The following CLN6 variants were observed in gnomAD, a reference collection of about 807,000 sequenced individuals.
CLN6 encodes the protein ceroid-lipofuscinosis neuronal protein 6.
In CLN6, 22 loss-of-function variants were observed where a neutral mutation model predicts 33.3. That is an observed-to-expected ratio of 0.66 (90% CI 0.47 to 0.94). The LOEUF (loss-of-function observed/expected upper bound fraction) is 0.94, where lower values mean the gene tolerates loss of function less well. CLN6 is among the 40% of genes least tolerant of loss of function. CLN6 has a pLI of 0.00. For synonymous variants in CLN6, 201 were observed against 174.6 expected, an observed-to-expected ratio of 1.15 and a Z score of -1.19; for missense variants, 387 against 417.1, an observed-to-expected ratio of 0.93 and a Z score of 0.63.
At chr15:68,230,033 G>A (rs1483900228), upstream of CLN6, among the ~76,000 whole-genome samples, 3 of 152,234 alleles carry the variant, frequency 2.0e-5, no homozygotes, top group Non-Finnish European at 4.4e-5. This position sits in a 1 kb window ranked among gnomAD's most constrained non-coding sequence, Gnocchi z 4.0. Context: ...GCTCCCCGGG[G>A]CAGAGGGTTC....
Position 68,256,041 on chromosome 15 carries a change from G to C in CLN6, c.179+649C>G, listed in dbSNP as rs1450646776. 1.3e-5 allele frequency among the ~76,000 whole-genome samples: 2 copies of C among 151,754 alleles called. No homozygotes were observed. The highest frequency in any genetic ancestry group is 3.9e-4 in the East Asian group (2 of 5,162). On this transcript the variant is annotated intron_variant, in intron 1 of 6. Transcript: ENST00000538696. This position sits in a 1 kb window ranked among gnomAD's most constrained non-coding sequence, Gnocchi z 4.1. ...TCGCCCGAAGTGATCCTCCTTCTTCGACCTCCCAAAGTGCTAGAATTACAG... is the reference window on the plus strand; with the variant it reads ...TCGCCCGAAGTGATCCTCCTTCTTCCACCTCCCAAAGTGCTAGAATTACAG...
At chr15:68,239,225 G>T (rs1007075223) in intron 1 of CLN6, among the ~76,000 whole-genome samples, 1 of 151,662 alleles carries the variant, frequency 6.6e-6, no homozygotes, top group African/African-American at 2.4e-5. Flanking sequence ...GCCAAAAAAG[G>T]GTATGGTAAA....
intron 2 of CLN6, chr15:68,215,572 A>C (rs867310285): frequency 6.6e-6 from 1 of 152,074 alleles, no homozygotes; most frequent in Non-Finnish European, 1.5e-5. Context: ...CCTGGGCTCA[A>C]GCGATCCTCC....
At chr15:68,224,945 C>T (rs2093247850) in intron 1 of CLN6, among the ~76,000 whole-genome samples, 1 of 151,930 alleles carries the variant, frequency 6.6e-6, no homozygotes, top group Non-Finnish European at 1.5e-5. Context: ...ACAATGACAC[C>T]ACGACAGTTG....
chr15:68,207,900 T>C lies in CLN6; in HGVS notation c.*240A>G. 5.2e-6 allele frequency: 3 copies of C among 581,050 alleles called. No individual in the cohort carries two copies. The highest frequency in any genetic ancestry group is 9.2e-6 in the Non-Finnish European group (3 of 326,432). 36.0% of individuals were successfully genotyped at this position (581,050 alleles called of 1,614,324 possible). A position where few individuals can be genotyped will look rare whatever the true frequency, so the allele number is the denominator to read the frequency against. ...AACACTCTAAAACAGAATCCGATCC[T>C]GAGATGATCCAAATCAAACAGAAAC... On this transcript the variant is annotated 3_prime_UTR_variant, in exon 7 of 7. Coordinates refer to ENST00000249806, the MANE Select transcript of CLN6 (RefSeq NM_017882.3).
At position 68,208,268 on chromosome 15, in the gene CLN6, G is replaced by A. The variant is rs1472210160; in HGVS notation, c.808C>T (p.Leu270Phe). The change falls in exon 7 of 7, where the codon CTC becomes TTC. Residue 270 changes from leucine to phenylalanine, a missense_variant. Transcript: ENST00000249806. This position sits in a 1 kb window ranked among gnomAD's most constrained non-coding sequence, Gnocchi z 5.8. Reference protein sequence around the residue: ...LFLFSSFALTLLLVALWVAWL... With the variant: ...LFLFSSFALTFLLVALWVAWL... Reference sequence around the variant, plus strand: ...GCGACCCAGAGCGCCACAAGCAAGAGGGTCAGTGCGAAGGAGGAGAAGAGG... The same window carrying A: ...GCGACCCAGAGCGCCACAAGCAAGAAGGTCAGTGCGAAGGAGGAGAAGAGG... 3.7e-6 allele frequency: 6 copies of A among 1,614,028 alleles called. No homozygotes were observed. Among genetic ancestry groups the A allele is most frequent in the Non-Finnish European group, 5.1e-6 (6 of 1,180,054 alleles).
rs148243823 is a variant in CLN6 at position 68,210,062 on chromosome 15, C to T, written c.543-303G>A. On this transcript the variant is annotated intron_variant, in intron 5 of 6. Coordinates refer to ENST00000249806, the MANE Select transcript of CLN6 (RefSeq NM_017882.3). This position sits in a 1 kb window ranked among gnomAD's most constrained non-coding sequence, Gnocchi z 5.6. ...TCTGGGGGGTTGTCTGTCTCATGCA[C>T]CGCAGACACCAGCAGCCCAGCACCA... Among the ~76,000 whole-genome samples, 1,708 of 152,234 alleles carry T rather than the reference C, an allele frequency of 0.011. 20 individuals carry two copies. The highest frequency in any genetic ancestry group is 0.017 in the Non-Finnish European group (1,168 of 68,010).
chr15:68,217,082 G>T (rs1485719993), intron 2 of CLN6, among the ~76,000 whole-genome samples: 8 of 152,150 alleles, frequency 5.3e-5, no homozygotes. Context: ...GTAAACATTC[G>T]ATGTTAGCCA....
At chr15:68,233,316 G>A (rs1476387079), upstream of CLN6, among the ~76,000 whole-genome samples, 1 of 141,148 alleles carries the variant, frequency 7.1e-6, no homozygotes, top group Non-Finnish European at 1.6e-5. This position sits in a 1 kb window ranked among gnomAD's most constrained non-coding sequence, Gnocchi z 4.3. Context: ...GGTGGGGGGG[G>A]TGGTGCCCTG....
At chr15:68,251,149 A>T (rs1265663422) in intron 1 of CLN6, among the ~76,000 whole-genome samples, 1 of 152,240 alleles carries the variant, frequency 6.6e-6, no homozygotes, top group African/African-American at 2.4e-5. Context: ...TCTAACATCA[A>T]ATCCATAACT....
intron 3 of CLN6, chr15:68,213,230 T>C (rs2141140492): frequency 6.7e-6 from 1 of 150,244 alleles, no homozygotes; most frequent in African/African-American, 2.5e-5. Context: ...CCTAAGTTTT[T>C]TGTATTTTTT....
chr15:68,254,362 C>T (rs1892410885), intron 1 of CLN6, among the ~76,000 whole-genome samples: 1 of 152,152 alleles, frequency 6.6e-6, no homozygotes. Context: ...TGCAGCTTCA[C>T]TCTCTAGACT....
intron 1 of CLN6, among the ~76,000 whole-genome samples, chr15:68,252,162 T>C (rs907559716): frequency 6.6e-6 from 1 of 151,976 alleles, no homozygotes; most frequent in African/African-American, 2.4e-5. Flanking sequence ...TTAGTAGAGA[T>C]AGTGTTTCTC....
At chr15:68,233,487 T>C (rs557183858), upstream of CLN6, among the ~76,000 whole-genome samples, 17 of 152,308 alleles carry the variant, frequency 1.1e-4, no homozygotes, top group East Asian at 3.3e-3. The surrounding 1 kb of genome is among the most constrained non-coding windows in gnomAD (Gnocchi z 4.3). Flanking sequence ...CACAGCGAGT[T>C]AGAAGCCAAG....
chr15:68,227,910 A>G lies in CLN6; in HGVS notation c.83+1592T>C, dbSNP rs2093256956. On this transcript the variant is annotated intron_variant, in intron 1 of 6. Coordinates refer to ENST00000249806, the MANE Select transcript of CLN6 (RefSeq NM_017882.3). This position sits in a 1 kb window ranked among gnomAD's most constrained non-coding sequence, Gnocchi z 4.1. ...AGTTCAGGGCAGTCAGTGACCCCCA[A>G]CTTGGCAAGGATTCGGAACAGAGAC... Among the ~76,000 whole-genome samples the G allele has an allele frequency of 1.3e-5, 2 of 152,254 alleles. No individual in the cohort carries two copies. The highest frequency in any genetic ancestry group is 2.1e-4 in the South Asian group (1 of 4,822).
intron 1 of CLN6, among the ~76,000 whole-genome samples, chr15:68,221,353 T>C (rs1044785739): frequency 1.3e-4 from 19 of 151,986 alleles, no homozygotes; most frequent in Non-Finnish European, 2.8e-4. Context: ...TGCCTCGGCC[T>C]GCCGAGTGCC....
intron 2 of CLN6, among the ~76,000 whole-genome samples, chr15:68,216,553 G>A (rs1208269221): frequency 3.3e-5 from 5 of 152,156 alleles, no homozygotes; most frequent in Admixed American, 2.6e-4. Flanking sequence ...GCTCGTTATT[G>A]ACTTGCAATT....
intron 1 of CLN6, among the ~76,000 whole-genome samples, chr15:68,244,092 C>CA (rs1044427025): frequency 5.8e-4 from 68 of 116,454 alleles, no homozygotes; most frequent in East Asian, 2.0e-3. Flanking sequence ...AAAAAACAAA[C>CA]AAAAAAAAAA....
intron 1 of CLN6, among the ~76,000 whole-genome samples, chr15:68,238,415 AAAAG>A (rs1357905625): frequency 6.6e-6 from 1 of 152,098 alleles, no homozygotes; most frequent in African/African-American, 2.4e-5. Context: ...AAAAAAAAGA[AAAAG>A]AAAGAAACCC....
Sources: gnomAD v4.1 joint callset for allele counts (sites outside exome capture counted in the v4.1 genomes callset) on GRCh38, gnomAD v4.1.1 for gene constraint, Gnocchi (gnomAD v3.1) non-coding constraint, MANE v1.5 for transcripts, NCBI Gene and HGNC (gene_info 2026-07-23, HGNC 2026-07-21) for gene names.